Variants in WDR64 observed in about 807,000 individuals in gnomAD.
The protein encoded by WDR64 is WD repeat domain 64, also known as WD repeat-containing protein 64.
In WDR64, 112 loss-of-function variants were observed where a neutral mutation model predicts 139.3. The ratio of observed to expected loss-of-function variants is 0.80; its 90% CI spans 0.69 to 0.94. The LOEUF (loss-of-function observed/expected upper bound fraction) is 0.94. Among genes scored for constraint, WDR64 ranks in the 40% least tolerant of loss-of-function variants. The pLI is 0.00. For missense variants in WDR64, 1,206 were observed against 1,293.1 expected (o/e 0.93, Z 1.03); for synonymous variants, 444 against 437.7 (o/e 1.01, Z -0.18).
chr1:241,769,530 T>G, intron 17 of WDR64, 25 bp downstream of exon 17: 1 of 1,537,236 alleles, frequency 6.5e-7, no homozygotes, highest in East Asian at 2.4e-5. Flanking sequence ...ACTGAACCAG[T>G]AATACTGTCT....
At position 241,730,592 on chromosome 1, in the gene WDR64, A is replaced by C. The variant is rs138004708; in HGVS notation, c.1194+7156A>C. Among the ~76,000 whole-genome samples, 74 of 152,220 alleles carry C rather than the reference A, an allele frequency of 4.9e-4. 1 individual carries two copies. Among genetic ancestry groups the C allele is most frequent in the Non-Finnish European group, 5.9e-5 (4 of 68,018 alleles). On this transcript the variant is annotated intron_variant, in intron 10 of 27. Coordinates refer to ENST00000437684, the MANE Select transcript of WDR64 (RefSeq NM_001367482.1). Reference sequence around the variant, plus strand: ...GGTATTCTATTGACATTAACCTTTTATCTCTCACAAAATGTGGTTCCCTTG... The same window carrying C: ...GGTATTCTATTGACATTAACCTTTTCTCTCTCACAAAATGTGGTTCCCTTG...
At chr1:241,765,253 T>C (rs1008892986) in intron 15 of WDR64, among the ~76,000 whole-genome samples, 13 of 151,550 alleles carry the variant, frequency 8.6e-5, no homozygotes, top group Admixed American at 5.3e-4. Context: ...TATATTAACA[T>C]TGAGATACCT....
chr1:241,738,413 T>C lies in WDR64; in HGVS notation c.1245T>C (p.His415=), dbSNP rs1333921842. ...CTCTTTCACTATTACAAGTCTTCCA[T>C]GACAGCCAGGGAGGACCAGGAGACA... ...IQTLSLLQVF[H]DSQGGPGDMQ... is the part of the protein sequence containing the mutation. The change falls in exon 11 of 28, where the codon CAT becomes CAC. Residue 415 remains histidine, a synonymous_variant. Transcript: ENST00000437684. 1.9e-6 allele frequency: 3 copies of C among 1,613,812 alleles called. No homozygotes were observed. The highest frequency in any genetic ancestry group is 1.3e-5 in the African/African-American group (1 of 74,906).
At chr1:241,713,709 T>C (rs1305603543) in intron 9 of WDR64, among the ~76,000 whole-genome samples, 1 of 152,138 alleles carries the variant, frequency 6.6e-6, no homozygotes, top group Non-Finnish European at 1.5e-5. Context: ...TGGGATAAAA[T>C]GAAATTTGCG....
chr1:241,705,047 G>A (rs9428890), intron 8 of WDR64, among the ~76,000 whole-genome samples: 25,925 of 152,082 alleles, frequency 0.17, 2,429 homozygotes, highest in African/African-American at 0.2. Context: ...AGAGCTTCTG[G>A]TGCTACAAAG....
At chr1:241,761,291 A>T (rs1657884359) in intron 15 of WDR64, among the ~76,000 whole-genome samples, 1 of 152,202 alleles carries the variant, frequency 6.6e-6, no homozygotes, top group Non-Finnish European at 1.5e-5. Context: ...AGTTAAAATT[A>T]CATGATGTAA....
chr1:241,780,162 C>G (rs1658795324), intron 22 of WDR64, 100 bp downstream of exon 22: 2 of 1,028,992 alleles, frequency 1.9e-6, no homozygotes. Flanking sequence ...ACAAGACTCT[C>G]TGTTGTCAAG....
chr1:241,723,582 G>C, intron 10 of WDR64, 146 bp downstream of exon 10: 1 of 921,010 alleles, frequency 1.1e-6, no homozygotes, highest in Non-Finnish European at 1.6e-6. Context: ...AAAAGGAAAT[G>C]ATAAGCCAAT....
chr1:241,655,094 A>C (rs1341979185), intron 1 of WDR64, among the ~76,000 whole-genome samples: 1 of 152,152 alleles, frequency 6.6e-6, no homozygotes, highest in African/African-American at 2.4e-5. Context: ...TTACTGTAAT[A>C]GTCTTCTTGG....
chr1:241,719,005 AT>A (rs1668507159), intron 9 of WDR64, among the ~76,000 whole-genome samples: 1 of 152,128 alleles, frequency 6.6e-6, no homozygotes, highest in South Asian at 2.1e-4. Context: ...CAATATATAA[AT>A]TTGGGAGGGA....
rs545307553 is a variant in WDR64, at chr1:241,679,364, G to T, written c.514-121G>T. On this transcript the variant is annotated intron_variant, in intron 5 of 27. Transcript: ENST00000437684. ...ACACTCAGACAGGATGTACTGCAAG[G>T]CTTCTCTGTAATAAGGCAGCAAAAT... 23 of 753,360 alleles carry T rather than the reference G, an allele frequency of 3.1e-5. No individual in the cohort carries two copies. In the Admixed American group the frequency reaches 4.7e-4, roughly 15 times the overall value. 46.7% of individuals were successfully genotyped at this position (753,360 alleles called of 1,614,324 possible). A position where few individuals can be genotyped will look rare whatever the true frequency, so the allele number is the denominator to read the frequency against.
intron 14 of WDR64, among the ~76,000 whole-genome samples, chr1:241,752,481 T>G (rs184673337): frequency 1.8e-4 from 27 of 152,370 alleles, no homozygotes; most frequent in Admixed American, 1.6e-3. Flanking sequence ...TTGTAAATTC[T>G]GCTGCTCTGT....
At chr1:241,669,272 C>A (rs1025740571) in intron 2 of WDR64, among the ~76,000 whole-genome samples, 1 of 152,236 alleles carries the variant, frequency 6.6e-6, no homozygotes, top group African/African-American at 2.4e-5. Context: ...CCTGACTCCA[C>A]AGCACATGCT....
At chr1:241,738,610 T>G (rs7418686) in intron 11 of WDR64, 121 bp downstream of exon 11, 1 of 1,048,662 alleles carries the variant, frequency 9.5e-7, no homozygotes, top group African/African-American at 1.6e-5. Flanking sequence ...TATCAAACCA[T>G]GATTCGTGAC....
At chr1:241,705,027 G>A (rs573815921) in intron 8 of WDR64, among the ~76,000 whole-genome samples, 16 of 152,254 alleles carry the variant, frequency 1.1e-4, no homozygotes, top group East Asian at 5.8e-4. Context: ...TGGGAGTGGC[G>A]GTTGGGGCGA....
At chr1:241,671,504 T>C (rs899068114) in intron 3 of WDR64, among the ~76,000 whole-genome samples, 3 of 152,252 alleles carry the variant, frequency 2.0e-5, no homozygotes, top group African/African-American at 7.2e-5. Flanking sequence ...AAAGAAGTCA[T>C]GTTTCTTTTA....
chr1:241,694,640 A>G (rs1050807782), intron 8 of WDR64, among the ~76,000 whole-genome samples: 1 of 152,202 alleles, frequency 6.6e-6, no homozygotes, highest in Non-Finnish European at 1.5e-5. Context: ...AACACTGTGA[A>G]AACGTATGCA....
intron 10 of WDR64, among the ~76,000 whole-genome samples, chr1:241,726,120 G>C (rs572835118): frequency 2.0e-5 from 3 of 151,690 alleles, no homozygotes; most frequent in African/African-American, 7.3e-5. Context: ...TATGTTGCCC[G>C]AACTTCTGGG....
intron 8 of WDR64, among the ~76,000 whole-genome samples, chr1:241,705,565 T>TA (rs78000093): frequency 0.033 from 2,237 of 66,894 alleles, 34 homozygotes; most frequent in African/African-American, 0.072. Context: ...AAATAAATAA[T>TA]AATAATAATA....
Sources: allele counts gnomAD v4.1 joint callset (sites outside exome capture counted in the v4.1 genomes callset), GRCh38; gene constraint gnomAD v4.1.1; transcripts MANE v1.5; gene names NCBI Gene and HGNC (gene_info 2026-07-23, HGNC 2026-07-21).